The following JCAD variants were observed in gnomAD, a reference collection of about 807,000 sequenced individuals.
The protein encoded by JCAD is junctional cadherin 5-associated protein.
A neutral mutation model predicts 98.0 loss-of-function variants in JCAD; 40 were observed. The observed-to-expected ratio is 0.41, with a 90% confidence interval of 0.32 to 0.53. The LOEUF (loss-of-function observed/expected upper bound fraction) is 0.53, where lower values mean the gene tolerates loss of function less well. Ranked by LOEUF, JCAD falls within the 20% of genes least tolerant of loss-of-function variation. The probability of loss-of-function intolerance (pLI) is 0.31; values close to 1 mark genes in which losing one functional copy is unlikely to be tolerated. For missense variants in JCAD, 1,705 were observed against 1,738.1 expected, an observed-to-expected ratio of 0.98 and a Z score of 0.34; for synonymous variants, 691 against 682.3, an observed-to-expected ratio of 1.01 and a Z score of -0.20.
At chr10:30,064,702 C>G (rs376542127) in intron 2 of JCAD, among the ~76,000 whole-genome samples, 1 of 151,398 alleles carries the variant, frequency 6.6e-6, no homozygotes, top group East Asian at 1.9e-4. Context: ...GATGGAGTCT[C>G]GCTCTATCAC....
At position 30,047,981 on chromosome 10, in the gene JCAD, G is replaced by A; in HGVS notation, c.-59-110C>T. The A allele has an allele frequency of 5.0e-6, 3 of 604,838 alleles. No homozygotes were observed. In the Admixed American group the frequency reaches 9.5e-5, roughly 19 times the overall value. 37.5% of individuals were successfully genotyped at this position (604,838 alleles called of 1,614,324 possible). A position where few individuals can be genotyped will look rare whatever the true frequency, so the allele number is the denominator to read the frequency against. The stretch of plus-strand genomic sequence containing the variant: ...AAACCAGACCATGGCGATGGACACA[G>A]CACAGAACCTGCACAGAAAGAGGGG... On this transcript the variant is annotated intron_variant, in intron 1 of 3. Coordinates refer to ENST00000375377, the MANE Select transcript of JCAD (RefSeq NM_020848.4).
At chr10:30,088,842 G>A (rs1176932644) in intron 1 of JCAD, among the ~76,000 whole-genome samples, 5 of 152,026 alleles carry the variant, frequency 3.3e-5, no homozygotes, top group Non-Finnish European at 4.4e-5. Flanking sequence ...TGGTGGTGGC[G>A]CATGTCTGTA....
In JCAD at chr10:30,029,246, T is replaced by A; in HGVS notation, c.902A>T (p.His301Leu). 1 of 1,614,094 alleles carries A rather than the reference T, an allele frequency of 6.2e-7. No individual in the cohort carries two copies. The highest frequency in any genetic ancestry group is 8.5e-7 in the Non-Finnish European group (1 of 1,180,020). ...GTCCGCTCCTCCCCTAGACTGCTGGTGCGAGCTGTAAGATGGGGGCTTGAG... is the reference window on the plus strand; with the variant it reads ...GTCCGCTCCTCCCCTAGACTGCTGGAGCGAGCTGTAAGATGGGGGCTTGAG... Reference protein sequence around the residue: ...RPLKPPSYSSHQQSRGGADSS... With the variant: ...RPLKPPSYSSLQQSRGGADSS... Residue 301 changes from histidine (H) to leucine (L), a missense_variant, in exon 3 of 4, where the codon CAC (histidine) becomes CTC (leucine). His to Leu is a moderately conservative substitution (Grantham distance 99). Around this residue, in one of 3 missense-constraint regions of JCAD, gnomAD observed 275 missense variants for 346.9 expected, o/e 0.79. Transcript: ENST00000375377.
intron 1 of JCAD, among the ~76,000 whole-genome samples, chr10:30,051,284 GCACA>G (rs58845322): frequency 0.022 from 3,185 of 146,840 alleles, 126 homozygotes; most frequent in African/African-American, 0.073. Flanking sequence ...ACACACGCAC[GCACA>G]CACACACACA....
rs906430225 is a variant in JCAD at position 30,017,795 on chromosome 10, C to T, written c.*88G>A. ...AAAACTCAGCAGCTTCCAGCTTCTA[C>T]ATGGGGAAGTGGGGCTGATAGACTA... On this transcript the variant is annotated 3_prime_UTR_variant, in exon 4 of 4. Coordinates refer to ENST00000375377, the MANE Select transcript of JCAD (RefSeq NM_020848.4). 1.6e-6 allele frequency: 2 copies of T among 1,217,182 alleles called. No homozygotes were observed. Among genetic ancestry groups the T allele is most frequent in the African/African-American group, 1.5e-5 (1 of 68,066 alleles). 75.4% of individuals were successfully genotyped at this position (1,217,182 alleles called of 1,614,324 possible).
At chr10:30,107,226 C>G (rs1341111344) in intron 1 of JCAD, among the ~76,000 whole-genome samples, 1 of 152,130 alleles carries the variant, frequency 6.6e-6, no homozygotes, top group Non-Finnish European at 1.5e-5. Flanking sequence ...CACTGTAAGT[C>G]ACAGGATGAG....
At chr10:30,096,741 C>G (rs546996224) in intron 1 of JCAD, among the ~76,000 whole-genome samples, 8 of 151,792 alleles carry the variant, frequency 5.3e-5, no homozygotes, top group Admixed American at 1.3e-4. Context: ...TGGAATGTCT[C>G]AAATAGATTA....
chr10:30,026,611 G>A lies in JCAD; in HGVS notation c.3537C>T (p.Asp1179=), dbSNP rs768287686. The stretch of plus-strand genomic sequence containing the variant: ...CAGGGTCTGTGCTGGTGACAACCCC[G>A]TCCACATCTGAGTGCTCAAAAGCCT... ...APQAFEHSDV[D]GVVTSTDPVP... The change falls in exon 3 of 4, where the codon GAC becomes GAT. Residue 1179 remains aspartate (D), a synonymous_variant. Coordinates refer to ENST00000375377, the MANE Select transcript of JCAD (RefSeq NM_020848.4). 2.0e-5 allele frequency: 32 copies of A among 1,613,654 alleles called. No homozygotes were observed. The highest frequency in any genetic ancestry group is 1.8e-4 in the East Asian group (8 of 44,870).
In JCAD at chr10:30,053,545, C is replaced by T. The variant is rs368247876; in HGVS notation, c.-59-5674G>A. Among the ~76,000 whole-genome samples the T allele has an allele frequency of 8.7e-4, 121 of 139,538 alleles. 1 individual carries two copies. The highest frequency in any genetic ancestry group is 2.7e-3 in the African/African-American group (103 of 37,676). 91.5% of individuals were successfully genotyped at this position (139,538 alleles called of 152,430 possible). On this transcript the variant is annotated intron_variant, in intron 1 of 3. Coordinates refer to ENST00000375377, the MANE Select transcript of JCAD (RefSeq NM_020848.4). ...CTACACTCCAGCCTGGGTGACAGAG[C>T]GGATACTCTGTCTCAAAAAAAAAAG...
chr10:30,017,558 A>G lies in JCAD; in HGVS notation c.*325T>C, dbSNP rs79382288. 7.5e-4 allele frequency: 311 copies of G among 414,384 alleles called. 4 individuals carry two copies. The highest frequency in any genetic ancestry group is 6.2e-3 in the African/African-American group (298 of 48,112). The allele number at this position is 414,384 out of a possible 1,614,324, so 25.7% of individuals were successfully genotyped here. A position where few individuals can be genotyped will look rare whatever the true frequency, so the allele number is the denominator to read the frequency against. The stretch of plus-strand genomic sequence containing the variant: ...ATCTTCCACATTGAAATCTTCACCC[A>G]GAATGAGAGCAACACCAAACTATTT... On this transcript the variant is annotated 3_prime_UTR_variant, in exon 4 of 4. Transcript: ENST00000375377.
intron 2 of JCAD, among the ~76,000 whole-genome samples, chr10:30,037,050 T>G (rs1474284025): frequency 6.6e-6 from 1 of 152,198 alleles, no homozygotes; most frequent in Non-Finnish European, 1.5e-5. Flanking sequence ...TAGGTCTCAC[T>G]GAAAGAGCCA....
chr10:30,037,131 C>T (rs1378607052), intron 2 of JCAD, among the ~76,000 whole-genome samples: 4 of 152,238 alleles, frequency 2.6e-5, no homozygotes, highest in Admixed American at 1.3e-4. Flanking sequence ...CATTCACCAA[C>T]CCCGCTGTCA....
At chr10:30,108,991 C>A (rs961585665) in intron 1 of JCAD, among the ~76,000 whole-genome samples, 21 of 152,298 alleles carry the variant, frequency 1.4e-4, no homozygotes, top group African/African-American at 5.1e-4. Flanking sequence ...CTTGGCCCAA[C>A]TTGCTGGTTG....
chr10:30,092,038 A>C (rs1478961773), intron 1 of JCAD, among the ~76,000 whole-genome samples: 1 of 32,726 alleles, frequency 3.1e-5, no homozygotes, highest in African/African-American at 2.5e-4. Context: ...CCACCACAAA[A>C]AAAAAAAAAA....
chr10:30,100,315 A>G (rs1173665258), intron 1 of JCAD, among the ~76,000 whole-genome samples: 4 of 152,096 alleles, frequency 2.6e-5, no homozygotes, highest in Non-Finnish European at 4.4e-5. Flanking sequence ...GAACTCTAAA[A>G]TATTTGAAGA....
Position 30,037,030 on chromosome 10 carries a change from G to A in JCAD, c.282-7164C>T, listed in dbSNP as rs1412989559. ...TGGTATCCAGATACAGAAACTGACC[G>A]CCAAGGCTGTAGGTCTCACTGAAAG... On this transcript the variant is annotated intron_variant, in intron 2 of 3. Coordinates refer to ENST00000375377, the MANE Select transcript of JCAD (RefSeq NM_020848.4). Among the ~76,000 whole-genome samples, 9 of 152,300 alleles carry A rather than the reference G, an allele frequency of 5.9e-5. No individual in the cohort carries two copies. In the South Asian group the frequency reaches 1.0e-3, roughly 18 times the overall value.
intron 1 of JCAD, among the ~76,000 whole-genome samples, chr10:30,088,519 C>A (rs2478831): frequency 0.43 from 64,950 of 151,910 alleles, 15,865 homozygotes; most frequent in Non-Finnish European, 0.55. Context: ...AAGATAAAGG[C>A]CCTGATTCAA....
chr10:30,092,098 T>TTAAATATATATATA (rs11268260), intron 1 of JCAD, among the ~76,000 whole-genome samples: 1,412 of 44,450 alleles, frequency 0.032, 108 homozygotes, highest in Middle Eastern at 0.077. Context: ...TAAAGTTACT[T>TTAAATATATATATA]TATATATATA....
chr10:30,029,883 C>G lies in JCAD; in HGVS notation c.282-17G>C, dbSNP rs1478778511. The G allele has an allele frequency of 6.2e-7, 1 of 1,605,858 alleles. No individual in the cohort carries two copies. The highest frequency in any genetic ancestry group is 1.7e-5 in the Admixed American group (1 of 58,546). On this transcript the variant is annotated splice_polypyrimidine_tract_variant and intron_variant, in intron 2 of 3. Transcript: ENST00000375377. ...TTACAAAACCTACAAAACAAAGAGT[C>G]ACAGACGTTAGGCACAGAAGAAACA...
Sources: allele counts gnomAD v4.1 joint callset (sites outside exome capture counted in the v4.1 genomes callset), GRCh38; gene constraint gnomAD v4.1.1; regional missense constraint gnomAD v4.1.1; transcripts MANE v1.5; gene names NCBI Gene and HGNC (gene_info 2026-07-23, HGNC 2026-07-21).